Variants in ARAP2 observed in about 807,000 individuals in gnomAD.
The protein encoded by ARAP2 is ArfGAP with RhoGAP domain, ankyrin repeat and PH domain 2.
A neutral mutation model predicts 194.5 loss-of-function variants in ARAP2; 148 were observed. The observed-to-expected ratio is 0.76, with a 90% CI of 0.67 to 0.87. The LOEUF (loss-of-function observed/expected upper bound fraction) is 0.87. ARAP2 is among the 40% of genes least tolerant of loss of function. The probability of loss-of-function intolerance (pLI) is 0.00; values close to 1 mark genes in which losing one functional copy is unlikely to be tolerated. For missense variants in ARAP2, 2,128 were observed against 1,989.7 expected, an observed-to-expected ratio of 1.07 and a Z score of -1.32; for synonymous variants, 695 against 683.5, an observed-to-expected ratio of 1.02 and a Z score of -0.26.
At chr4:36,049,481 T>C (rs971547095) in intron 3 of ARAP2, among the ~76,000 whole-genome samples, 5 of 152,206 alleles carry the variant, frequency 3.3e-5, no homozygotes, top group African/African-American at 9.6e-5. Flanking sequence ...TATCTTTGCC[T>C]TTTATGACTA....
rs150927953 is a variant in ARAP2, at chr4:36,070,065, C to T, written c.4744-1787G>A. On this transcript the variant is annotated intron_variant, in intron 32 of 32. Coordinates refer to ENST00000303965, the MANE Select transcript of ARAP2 (RefSeq NM_015230.4). ...GATGCCACCATGCTTCCTGTGAAAC[C>T]GTGGGCTAATTAAACATCTTTTCTT... Among the ~76,000 whole-genome samples the T allele has an allele frequency of 1.7e-3, 254 of 152,102 alleles. 1 individual carries two copies. Among genetic ancestry groups the T allele is most frequent in the African/African-American group, 5.9e-3 (245 of 41,480 alleles).
At position 36,121,243 on chromosome 4, in the gene ARAP2, C is replaced by T. The variant is rs1045280543; in HGVS notation, c.3830G>A (p.Gly1277Glu). The T allele has an allele frequency of 2.5e-6, 4 of 1,606,672 alleles. No homozygotes were observed. In the Middle Eastern group the frequency reaches 5.0e-4, roughly 199 times the overall value. ...VFSSCLFQTK[G>E]QTSEEVNVIE... The stretch of plus-strand genomic sequence containing the variant: ...TACATTCACTTCTTCACTAGTTTGT[C>T]CCTTCGTTTGAAACAAACAGGATGA... Residue 1277 changes from glycine (G) to glutamate (E), a missense_variant, in exon 23 of 33, where the codon GGA (glycine) becomes GAA (glutamate). Gly to Glu is a moderately conservative substitution (Grantham distance 98, BLOSUM62 -2). Coordinates refer to ENST00000303965, the MANE Select transcript of ARAP2 (RefSeq NM_015230.4).
chr4:36,198,279 TC>T (rs1237649382), intron 6 of ARAP2, among the ~76,000 whole-genome samples: 1 of 152,140 alleles, frequency 6.6e-6, no homozygotes, highest in Non-Finnish European at 1.5e-5. Flanking sequence ...CTCTGGCTGA[TC>T]CGGGGGCTTT....
intron 5 of ARAP2, among the ~76,000 whole-genome samples, chr4:36,042,392 G>C (rs1721017060): frequency 1.3e-5 from 2 of 152,178 alleles, no homozygotes; most frequent in East Asian, 3.8e-4. Context: ...AGGGCGGAAA[G>C]ATCATTAAAA....
chr4:36,209,350 A>G (rs1027516561), intron 6 of ARAP2: 1 of 450,220 alleles, frequency 2.2e-6, no homozygotes, highest in African/African-American at 2.0e-5. Flanking sequence ...TGTAACCAGA[A>G]AGAAGTGACA....
At chr4:36,115,598 T>C (rs1721122384) in intron 25 of ARAP2, among the ~76,000 whole-genome samples, 1 of 151,966 alleles carries the variant, frequency 6.6e-6, no homozygotes, top group African/African-American at 2.4e-5. Flanking sequence ...CTCTACAGAA[T>C]ATACAGATCA....
At chr4:36,223,429 A>C (rs1749583512) in intron 2 of ARAP2, among the ~76,000 whole-genome samples, 1 of 152,114 alleles carries the variant, frequency 6.6e-6, no homozygotes, top group Non-Finnish European at 1.5e-5. Flanking sequence ...GGGCTGACCT[A>C]CTATAAACAG....
intron 6 of ARAP2, among the ~76,000 whole-genome samples, chr4:36,018,840 G>C (rs953895534): frequency 1.3e-5 from 2 of 152,166 alleles, no homozygotes; most frequent in Non-Finnish European, 2.9e-5. Context: ...TAATTGGTAG[G>C]ATTTCTGTTT....
chr4:36,212,726 A>G (rs1747044690), intron 4 of ARAP2, among the ~76,000 whole-genome samples: 1 of 151,972 alleles, frequency 6.6e-6, no homozygotes, highest in Non-Finnish European at 1.5e-5. Flanking sequence ...AGTAAGAATA[A>G]AAGAAAATGG....
At chr4:36,217,367 C>A (rs991242166) in intron 2 of ARAP2, among the ~76,000 whole-genome samples, 31 of 152,186 alleles carry the variant, frequency 2.0e-4, no homozygotes, top group African/African-American at 7.2e-4. Context: ...CAAAACTTAG[C>A]TGAGCGTGGT....
chr4:36,023,023 T>A (rs1451220068), intron 5 of ARAP2, among the ~76,000 whole-genome samples: 1 of 152,204 alleles, frequency 6.6e-6, no homozygotes, highest in South Asian at 2.1e-4. Flanking sequence ...CCATGCAGTG[T>A]TGCCAGTCTC....
chr4:36,012,490 A>C (rs1174046245), intron 9 of ARAP2: 1 of 152,228 alleles, frequency 6.6e-6, no homozygotes, highest in East Asian at 1.9e-4. Flanking sequence ...TGTAAAAGTG[A>C]CAGACATATT....
At chr4:36,105,474 A>T (rs182834728) in intron 27 of ARAP2, among the ~76,000 whole-genome samples, 28 of 152,078 alleles carry the variant, frequency 1.8e-4, no homozygotes, top group Middle Eastern at 3.4e-3. Context: ...GATCTTACAG[A>T]GGCTTGATGC....
In ARAP2 at chr4:36,133,378, A is replaced by G. The variant is rs1294258871; in HGVS notation, c.3275T>C (p.Ile1092Thr). The change falls in exon 20 of 33, where the codon ATC becomes ACC. Residue 1092 changes from isoleucine (I) to threonine (T), a missense_variant. Transcript: ENST00000303965. Reference sequence around the variant, plus strand: ...GAAATCCAACTTGGTATGCCCATGGATGTATAATGTTCTGTAAAGTTTAAA... The same window carrying G: ...GAAATCCAACTTGGTATGCCCATGGGTGTATAATGTTCTGTAAAGTTTAAA... ...LLVEKGRTLY[I>T]HGHTKLDFTV... 6.2e-7 allele frequency: 1 copy of G among 1,609,336 alleles called. No homozygotes were observed. The highest frequency in any genetic ancestry group is 8.5e-7 in the Non-Finnish European group (1 of 1,177,448).
chr4:36,017,564 T>TAAAAAAAAAAAAAAAAAAAAAAAAA (rs71199694), intron 6 of ARAP2, among the ~76,000 whole-genome samples: 1 of 42,578 alleles, frequency 2.3e-5, no homozygotes, highest in African/African-American at 1.2e-4. Context: ...AAGAAAGTGG[T>TAAAAAAAAAAAAAAAAAAAAAAAAA]AAAAAAAAAA....
intron 23 of ARAP2, among the ~76,000 whole-genome samples, chr4:36,120,488 T>C (rs930000333): frequency 4.0e-5 from 6 of 151,562 alleles, no homozygotes; most frequent in Non-Finnish European, 5.9e-5. Flanking sequence ...ACTGGACTCA[T>C]AAACACCATT....
At chr4:36,197,849 G>A (rs112246248) in intron 6 of ARAP2, among the ~76,000 whole-genome samples, 5 of 152,260 alleles carry the variant, frequency 3.3e-5, no homozygotes, top group South Asian at 2.1e-4. Flanking sequence ...ACATGGTGGC[G>A]GCTGGAAGCT....
chr4:36,115,153 A>G (rs111837432), intron 25 of ARAP2, among the ~76,000 whole-genome samples: 5 of 152,186 alleles, frequency 3.3e-5, no homozygotes, highest in African/African-American at 9.6e-5. Flanking sequence ...CATATTGCAC[A>G]TACATAAATG....
chr4:36,080,399 G>T (rs1439217532), intron 30 of ARAP2, 120 bp from the exon 31 acceptor site: 2 of 728,722 alleles, frequency 2.7e-6, no homozygotes, highest in Admixed American at 5.4e-5. Context: ...ATGACGTAAT[G>T]CAATCACAAA....
Sources: allele counts gnomAD v4.1 joint callset (sites outside exome capture counted in the v4.1 genomes callset), GRCh38; gene constraint gnomAD v4.1.1; transcripts MANE v1.5; gene names NCBI Gene and HGNC (gene_info 2026-07-23, HGNC 2026-07-21).